LARP1: variants seen among roughly 807,000 people sequenced by gnomAD.
The protein encoded by LARP1 is La ribonucleoprotein 1, translational regulator.
A neutral mutation model predicts 122.7 loss-of-function variants in LARP1; 36 were observed. That is an observed-to-expected ratio of 0.29 (90% CI 0.22 to 0.39). The LOEUF (loss-of-function observed/expected upper bound fraction) is 0.39, where lower values mean the gene tolerates loss of function less well. LARP1 is among the 10% of genes least tolerant of loss of function. The probability of loss-of-function intolerance (pLI) is 1.00; values close to 1 mark genes in which losing one functional copy is unlikely to be tolerated. For synonymous variants in LARP1, 539 were observed against 528.7 expected, an observed-to-expected ratio of 1.02 and a Z score of -0.27; for missense variants, 1,040 against 1,403.6, an observed-to-expected ratio of 0.74 and a Z score of 4.14.
At chr5:154,770,254 G>T (rs1755289834) in intron 1 of LARP1, among the ~76,000 whole-genome samples, 3 of 150,612 alleles carry the variant, frequency 2.0e-5, no homozygotes, top group Non-Finnish European at 1.5e-5. Context: ...TTTTTAACTA[G>T]CTGTTTTGTC....
intron 1 of LARP1, among the ~76,000 whole-genome samples, chr5:154,684,170 C>G (rs1313397621): frequency 1.3e-4 from 19 of 151,964 alleles, no homozygotes. Flanking sequence ...TGACGTGGCA[C>G]GATGGCTCAC....
chr5:154,780,629 G>C (rs983788674), intron 1 of LARP1, among the ~76,000 whole-genome samples: 2 of 152,200 alleles, frequency 1.3e-5, no homozygotes, highest in African/African-American at 4.8e-5. Flanking sequence ...TGTACAATGA[G>C]ATTCTCAAGT....
intron 1 of LARP1, among the ~76,000 whole-genome samples, chr5:154,697,121 A>T (rs1346823182): frequency 6.6e-6 from 1 of 152,012 alleles, no homozygotes; most frequent in African/African-American, 2.4e-5. Flanking sequence ...AATTCAACAG[A>T]ATTGTTTTAG....
upstream of LARP1, among the ~76,000 whole-genome samples, chr5:154,755,295 GC>G (rs1315113529): frequency 6.8e-6 from 1 of 147,358 alleles, no homozygotes; most frequent in Non-Finnish European, 1.5e-5. Flanking sequence ...CCCCTCGCCC[GC>G]CGCGTCGTGA....
At chr5:154,771,527 A>C (rs149514243) in intron 1 of LARP1, among the ~76,000 whole-genome samples, 1 of 152,316 alleles carries the variant, frequency 6.6e-6, no homozygotes, top group East Asian at 1.9e-4. Flanking sequence ...CGTACACATC[A>C]TCTGGCTTTG....
chr5:154,704,445 G>A (rs1415360926), intron 1 of LARP1, among the ~76,000 whole-genome samples: 4 of 152,000 alleles, frequency 2.6e-5, no homozygotes, highest in African/African-American at 4.8e-5. Context: ...TCAGGAGTTC[G>A]AGATCAGCCT....
In LARP1 at chr5:154,712,909, C is replaced by T. The variant is rs370245589; in HGVS notation, c.-17C>T. 5 of 1,609,408 alleles carry T rather than the reference C, an allele frequency of 3.1e-6. No individual in the cohort carries two copies. In the African/African-American group the frequency reaches 6.7e-5, roughly 22 times the overall value. On this transcript the variant is annotated 5_prime_UTR_variant, in exon 1 of 19. Transcript: ENST00000336314. The stretch of plus-strand genomic sequence containing the variant: ...ACCCTCCAGGGCCACATAGTGACCC[C>T]AGGCCCTGGTCACTCCATGCTTTGG...
At chr5:154,750,173 C>T (rs1187371677) in intron 1 of LARP1, among the ~76,000 whole-genome samples, 1 of 152,222 alleles carries the variant, frequency 6.6e-6, no homozygotes, top group Admixed American at 6.5e-5. Flanking sequence ...TAATTAATTA[C>T]AAATAGGTTT....
chr5:154,722,611 G>C lies in LARP1; in HGVS notation c.205+9481G>C, dbSNP rs78945505. ...AGGAACAGGATATAGCCAGGCAGTGGAGAATTCATAGAATCCCTCATTCTT... is the reference window on the plus strand; with the variant it reads ...AGGAACAGGATATAGCCAGGCAGTGCAGAATTCATAGAATCCCTCATTCTT... On this transcript the variant is annotated intron_variant, in intron 1 of 18. Transcript: ENST00000336314. Among the ~76,000 whole-genome samples, 186 of 151,980 alleles carry C rather than the reference G, an allele frequency of 1.2e-3. 6 individuals carry two copies. In the East Asian group the frequency reaches 0.032, roughly 26 times the overall value.
intron 1 of LARP1, among the ~76,000 whole-genome samples, chr5:154,736,371 C>T (rs1210664445): frequency 1.3e-5 from 2 of 151,786 alleles, no homozygotes; most frequent in Non-Finnish European, 2.9e-5. Flanking sequence ...GCTGGGATTA[C>T]AGGCATGAGC....
At chr5:154,774,491 G>A (rs73276766) in intron 1 of LARP1, among the ~76,000 whole-genome samples, 7,619 of 152,306 alleles carry the variant, frequency 0.05, 326 homozygotes, top group African/African-American at 0.12. Flanking sequence ...TGCCAGAGCT[G>A]AGGAGTCTAA....
intron 1 of LARP1, among the ~76,000 whole-genome samples, chr5:154,786,144 G>A (rs907282231): frequency 6.6e-6 from 1 of 152,150 alleles, no homozygotes; most frequent in African/African-American, 2.4e-5. Context: ...CCGGGTTCAA[G>A]CGACTGTCCT....
At chr5:154,762,177 A>G (rs1475358327) in intron 1 of LARP1, among the ~76,000 whole-genome samples, 2 of 152,188 alleles carry the variant, frequency 1.3e-5, no homozygotes, top group Non-Finnish European at 2.9e-5. Context: ...GGGGAGGCGG[A>G]GGTTGCAGTG....
intron 3 of LARP1, among the ~76,000 whole-genome samples, chr5:154,792,338 A>T (rs1461556600): frequency 6.6e-6 from 1 of 152,206 alleles, no homozygotes; most frequent in Non-Finnish European, 1.5e-5. Flanking sequence ...GTTGCAGGGA[A>T]TAATTTTGCC....
chr5:154,728,681 G>A (rs10434715), intron 1 of LARP1, among the ~76,000 whole-genome samples: 3,970 of 151,952 alleles, frequency 0.026, 113 homozygotes, highest in South Asian at 0.092. Context: ...TGAGTATGAA[G>A]AATTATTAAT....
rs952168620 is a variant in LARP1, at chr5:154,734,317, G to A, written c.205+21187G>A. On this transcript the variant is annotated intron_variant, in intron 1 of 18. Transcript: ENST00000336314. The stretch of plus-strand genomic sequence containing the variant: ...GATTTCAAATTATATACAAAATAAA[G>A]CTTCAAAAACATGAAGTCAACTTAT... Among the ~76,000 whole-genome samples the A allele has an allele frequency of 2.6e-4, 40 of 152,048 alleles. 1 individual carries two copies. Among genetic ancestry groups the A allele is most frequent in the South Asian group, 4.1e-4 (2 of 4,826 alleles).
intron 16 of LARP1, 101 bp downstream of exon 16, chr5:154,808,704 T>C: frequency 8.2e-7 from 1 of 1,220,216 alleles, no homozygotes; most frequent in African/African-American, 1.5e-5. Context: ...TCCTTGCATG[T>C]GTATGTTCAT....
intron 1 of LARP1, chr5:154,757,139 T>G (rs1223890470): frequency 6.7e-6 from 1 of 149,242 alleles, no homozygotes; most frequent in Non-Finnish European, 1.5e-5. Flanking sequence ...TGTGTGCGCG[T>G]CCCCCCTTCC....
Position 154,755,551 on chromosome 5 carries a change from C to G in LARP1, c.-207C>G. Reference sequence around the variant, plus strand: ...ACTGCAGAGTGGGGGGCCTTCCTCCCCCCCCGCCCCGCTAGTGGGCCTCGG... The same window carrying G: ...ACTGCAGAGTGGGGGGCCTTCCTCCGCCCCCGCCCCGCTAGTGGGCCTCGG... On this transcript the variant is annotated 5_prime_UTR_variant, in exon 1 of 19. Coordinates refer to ENST00000518297, the MANE Select transcript of LARP1 (RefSeq NM_033551.3). The G allele has an allele frequency of 1.0e-6, 1 of 987,372 alleles. No individual in the cohort carries two copies. Among genetic ancestry groups the G allele is most frequent in the Non-Finnish European group, 1.2e-6 (1 of 830,040 alleles). The allele number at this position is 987,372 out of a possible 1,614,324, so 61.2% of individuals were successfully genotyped here.
Sources: gnomAD v4.1 joint callset for allele counts (sites outside exome capture counted in the v4.1 genomes callset) on GRCh38, gnomAD v4.1.1 for gene constraint, MANE v1.5 for transcripts, NCBI Gene and HGNC (gene_info 2026-07-23, HGNC 2026-07-21) for gene names.